SLC25A21: variants seen among roughly 807,000 people sequenced by gnomAD.
SLC25A21 encodes the protein mitochondrial 2-oxodicarboxylate carrier.
Under a neutral mutation model 43.8 loss-of-function variants are expected in SLC25A21, and 47 were observed. The observed-to-expected ratio is 1.07, with a 90% confidence interval of 0.85 to 1.37. SLC25A21 has a LOEUF of 1.37. Among genes scored for constraint, SLC25A21 ranks in the 40% most tolerant of loss-of-function variants. SLC25A21 has a pLI of 0.00. For synonymous variants in SLC25A21, 131 were observed against 121.3 expected (o/e 1.08, Z -0.52); for missense variants, 352 against 350.2 (o/e 1.00, Z -0.04).
intron 1 of SLC25A21, among the ~76,000 whole-genome samples, chr14:36,994,560 C>G (rs1274233357): frequency 6.6e-6 from 1 of 152,174 alleles, no homozygotes; most frequent in Admixed American, 6.6e-5. Context: ...GCTTTACGCA[C>G]TCTAAAAAAG....
At chr14:36,955,640 G>A (rs1018442562) in intron 1 of SLC25A21, among the ~76,000 whole-genome samples, 33 of 152,240 alleles carry the variant, frequency 2.2e-4, no homozygotes, top group African/African-American at 6.3e-4. Flanking sequence ...AAAGATGTAT[G>A]ATAAATGTGG....
chr14:36,821,431 C>A (rs554620199), intron 2 of SLC25A21, among the ~76,000 whole-genome samples: 1 of 152,278 alleles, frequency 6.6e-6, no homozygotes, highest in East Asian at 1.9e-4. Flanking sequence ...TAGCTTTACT[C>A]TTCCAAGTTG....
intron 3 of SLC25A21, among the ~76,000 whole-genome samples, chr14:36,754,644 T>C (rs1885855065): frequency 6.6e-6 from 1 of 151,880 alleles, no homozygotes; most frequent in Non-Finnish European, 1.5e-5. Flanking sequence ...CTGTGCCATA[T>C]CACACAGCAT....
At chr14:37,124,630 C>T (rs1255222199) in intron 1 of SLC25A21, among the ~76,000 whole-genome samples, 1 of 152,116 alleles carries the variant, frequency 6.6e-6, no homozygotes, top group African/African-American at 2.4e-5. Flanking sequence ...CAGATATCAC[C>T]AAATGCAAAC....
intron 1 of SLC25A21, among the ~76,000 whole-genome samples, chr14:37,088,143 A>G (rs867139746): frequency 6.6e-6 from 1 of 152,224 alleles, no homozygotes; most frequent in Non-Finnish European, 1.5e-5. Context: ...AAATGTATAT[A>G]CAGTATATTT....
chr14:36,812,168 C>T (rs712338), intron 3 of SLC25A21, among the ~76,000 whole-genome samples: 103,987 of 151,998 alleles, frequency 0.68, 37,025 homozygotes, highest in East Asian at 1. Flanking sequence ...ATGCTCAATT[C>T]CAGTAACATT....
intron 2 of SLC25A21, among the ~76,000 whole-genome samples, chr14:36,855,051 T>C (rs1209695614): frequency 2.6e-5 from 4 of 151,996 alleles, no homozygotes; most frequent in African/African-American, 9.7e-5. Context: ...AAGCATCAGT[T>C]TGCATTATAT....
chr14:36,967,931 G>A (rs774556677), intron 1 of SLC25A21, among the ~76,000 whole-genome samples: 2 of 152,144 alleles, frequency 1.3e-5, no homozygotes, highest in East Asian at 1.9e-4. Context: ...TCACCCAAAC[G>A]AGTGCCACAA....
chr14:37,026,623 T>C (rs1961098565), intron 1 of SLC25A21, among the ~76,000 whole-genome samples: 1 of 152,180 alleles, frequency 6.6e-6, no homozygotes, highest in Non-Finnish European at 1.5e-5. Flanking sequence ...TCAAGTAAGT[T>C]TGGAAAACAC....
At chr14:37,053,762 G>GA (rs531143123) in intron 1 of SLC25A21, among the ~76,000 whole-genome samples, 1 of 151,838 alleles carries the variant, frequency 6.6e-6, no homozygotes, top group East Asian at 1.9e-4. Flanking sequence ...GAATAGATTA[G>GA]AAAAAAAATG....
intron 1 of SLC25A21, among the ~76,000 whole-genome samples, chr14:36,893,306 T>C (rs946396059): frequency 2.0e-5 from 3 of 152,218 alleles, no homozygotes; most frequent in African/African-American, 4.8e-5. Flanking sequence ...CCAGTGATGG[T>C]GAGCATTTTT....
intron 2 of SLC25A21, among the ~76,000 whole-genome samples, chr14:36,843,644 C>A (rs546423131): frequency 1.0e-3 from 159 of 152,288 alleles, no homozygotes; most frequent in Non-Finnish European, 9.6e-4. Flanking sequence ...GACACCTCAT[C>A]CTAAATACTT....
At chr14:36,828,557 C>T (rs111388751) in intron 2 of SLC25A21, 73 of 152,158 alleles carry the variant, frequency 4.8e-4, no homozygotes, top group African/African-American at 1.7e-3. Flanking sequence ...TGAGGAAAAC[C>T]GGCTACCATC....
intron 6 of SLC25A21, 113 bp downstream of exon 6, chr14:36,725,457 A>G (rs1594525867): frequency 2.2e-6 from 1 of 459,760 alleles, no homozygotes; most frequent in Non-Finnish European, 3.1e-6. Flanking sequence ...CCTGGGCAAC[A>G]AGAGCAAAAC....
intron 3 of SLC25A21, among the ~76,000 whole-genome samples, chr14:36,803,814 T>C (rs921165844): frequency 2.0e-5 from 3 of 152,234 alleles, no homozygotes; most frequent in Non-Finnish European, 2.9e-5. Context: ...CCAAGGAACG[T>C]TGGTTAAATG....
At chr14:36,685,684 G>A (rs1882505934) in intron 7 of SLC25A21, among the ~76,000 whole-genome samples, 1 of 152,108 alleles carries the variant, frequency 6.6e-6, no homozygotes, top group Non-Finnish European at 1.5e-5. Flanking sequence ...TAGAATTTAG[G>A]CCCTTCACGT....
chr14:36,902,027 T>C (rs899009135), intron 1 of SLC25A21, among the ~76,000 whole-genome samples: 1 of 152,210 alleles, frequency 6.6e-6, no homozygotes, highest in Non-Finnish European at 1.5e-5. Context: ...GGATATACTT[T>C]TGAGTATTGG....
At chr14:36,845,259 T>C (rs761371717) in intron 2 of SLC25A21, among the ~76,000 whole-genome samples, 2 of 152,188 alleles carry the variant, frequency 1.3e-5, no homozygotes, top group Non-Finnish European at 2.9e-5. Flanking sequence ...TTTTTAAATA[T>C]TAATTTTAAA....
At chr14:37,070,984 C>T (rs1246172610) in intron 1 of SLC25A21, among the ~76,000 whole-genome samples, 1 of 152,176 alleles carries the variant, frequency 6.6e-6, no homozygotes, top group Non-Finnish European at 1.5e-5. Flanking sequence ...AATACCGAGA[C>T]TTTCTTTGAA....
Sources: allele counts gnomAD v4.1 joint callset (sites outside exome capture counted in the v4.1 genomes callset), GRCh38; gene constraint gnomAD v4.1.1; transcripts MANE v1.5; gene names NCBI Gene and HGNC (gene_info 2026-07-23, HGNC 2026-07-21).